JAKMIP2: variants seen among roughly 807,000 people sequenced by gnomAD.
The protein encoded by JAKMIP2 is janus kinase and microtubule-interacting protein 2.
JAKMIP2 carries 25 observed loss-of-function variants against 115.0 expected under a neutral mutation model. The ratio of observed to expected loss-of-function variants is 0.22; its 90% CI spans 0.16 to 0.30. The LOEUF (loss-of-function observed/expected upper bound fraction) is 0.30, where lower values mean the gene tolerates loss of function less well. JAKMIP2 is among the 10% of genes least tolerant of loss of function. JAKMIP2 has a pLI of 1.00. For synonymous variants in JAKMIP2, 334 were observed against 343.6 expected, an observed-to-expected ratio of 0.97 and a Z score of 0.31; for missense variants, 642 against 957.6, an observed-to-expected ratio of 0.67 and a Z score of 4.35.
intron 1 of JAKMIP2, among the ~76,000 whole-genome samples, chr5:147,743,324 C>T (rs1372910989): frequency 6.6e-6 from 1 of 152,112 alleles, no homozygotes; most frequent in Admixed American, 6.5e-5. Context: ...GGTTAACCTG[C>T]TAAAGATACA....
At chr5:147,640,855 A>G in intron 8 of JAKMIP2, 32 bp from the exon 9 acceptor site, 1 of 1,603,178 alleles carries the variant, frequency 6.2e-7, no homozygotes, top group Non-Finnish European at 8.5e-7. Context: ...ATTTACTGAC[A>G]TAGCTAACAG....
At chr5:147,622,019 C>T (rs1756875254) in intron 17 of JAKMIP2, among the ~76,000 whole-genome samples, 1 of 152,146 alleles carries the variant, frequency 6.6e-6, no homozygotes, top group Non-Finnish European at 1.5e-5. Flanking sequence ...AGGCATGTGC[C>T]ACCGCGCCCG....
chr5:147,776,371 T>C (rs906926692), intron 1 of JAKMIP2, among the ~76,000 whole-genome samples: 2 of 152,138 alleles, frequency 1.3e-5, no homozygotes, highest in Non-Finnish European at 2.9e-5. Context: ...GGCTTCCCCC[T>C]TCACTCAGCT....
intron 20 of JAKMIP2, among the ~76,000 whole-genome samples, chr5:147,605,428 C>G (rs1755955145): frequency 6.6e-6 from 1 of 152,056 alleles, no homozygotes; most frequent in Non-Finnish European, 1.5e-5. Flanking sequence ...CTAGGATGGT[C>G]TCGATCTCCT....
At chr5:147,752,063 A>G (rs879514168) in intron 1 of JAKMIP2, among the ~76,000 whole-genome samples, 5 of 152,188 alleles carry the variant, frequency 3.3e-5, no homozygotes, top group African/African-American at 4.8e-5. Context: ...AGAACATAAA[A>G]TAGAGGAATG....
chr5:147,746,672 C>T (rs980735661), intron 1 of JAKMIP2, among the ~76,000 whole-genome samples: 1 of 151,892 alleles, frequency 6.6e-6, no homozygotes, highest in African/African-American at 2.4e-5. Flanking sequence ...TTGTGTTTTC[C>T]TCTATTTTTA....
At chr5:147,719,165 A>T (rs1210200521) in intron 1 of JAKMIP2, among the ~76,000 whole-genome samples, 1 of 131,378 alleles carries the variant, frequency 7.6e-6, no homozygotes, top group Non-Finnish European at 1.6e-5. Flanking sequence ...GTTTTGAGTG[A>T]GATTCTTAAT....
In JAKMIP2 at chr5:147,693,021, G is replaced by A. The variant is rs114479858; in HGVS notation, c.-148-21067C>T. 5.4e-3 allele frequency among the ~76,000 whole-genome samples: 816 copies of A among 152,168 alleles called. 17 individuals carry two copies. Among genetic ancestry groups the A allele is most frequent in the African/African-American group, 0.019 (776 of 41,510 alleles). On this transcript the variant is annotated intron_variant, in intron 1 of 21. Transcript: ENST00000616793. ...TATGTGTGCCACCAATTTTGTATATGACCTAAAATTGTAAACAATTTTTAT... is the reference window on the plus strand; with the variant it reads ...TATGTGTGCCACCAATTTTGTATATAACCTAAAATTGTAAACAATTTTTAT...
chr5:147,688,506 A>ATC (rs1760678452), intron 1 of JAKMIP2, among the ~76,000 whole-genome samples: 2 of 152,232 alleles, frequency 1.3e-5, no homozygotes, highest in African/African-American at 4.8e-5. Flanking sequence ...GTTGCTTCAT[A>ATC]GAGTCTGATT....
chr5:147,661,508 G>T lies in JAKMIP2; in HGVS notation c.130-63C>A. The T allele has an allele frequency of 5.3e-6, 8 of 1,502,910 alleles. No individual in the cohort carries two copies. In the African/African-American group the frequency reaches 8.4e-5, roughly 16 times the overall value. The allele number at this position is 1,502,910 out of a possible 1,614,324, so 93.1% of individuals were successfully genotyped here. On this transcript the variant is annotated intron_variant, in intron 2 of 21. Transcript: ENST00000616793. ...CCTCAAAGGACGGGTGTGCTCCTAG[G>T]CAGGATTTGCAGCTCAGGCCGCTGT...
chr5:147,623,582 GT>G (rs1448366664), intron 17 of JAKMIP2, 38 bp downstream of exon 17: 1 of 1,379,024 alleles, frequency 7.3e-7, no homozygotes, highest in East Asian at 2.3e-5. Flanking sequence ...TGCCTTGTAA[GT>G]TTTTCTTAAT....
intron 2 of JAKMIP2, among the ~76,000 whole-genome samples, chr5:147,665,923 G>C (rs1759275490): frequency 6.6e-6 from 1 of 152,112 alleles, no homozygotes; most frequent in Non-Finnish European, 1.5e-5. Context: ...GAACTGAAGA[G>C]GAGATGAAGG....
rs1757840817 is a variant in JAKMIP2, at chr5:147,640,690, G to A, written c.1401+14C>T. 6.2e-7 allele frequency: 1 copy of A among 1,613,074 alleles called. No homozygotes were observed. ...GACAATATCACCCTAGGCTAGAGAAGTAGAAAAGCTTACTTCATCCAAGTC... is the reference window on the plus strand; with the variant it reads ...GACAATATCACCCTAGGCTAGAGAAATAGAAAAGCTTACTTCATCCAAGTC... On this transcript the variant is annotated intron_variant, in intron 9 of 21. Transcript: ENST00000616793.
chr5:147,692,860 A>G (rs1452188325), intron 1 of JAKMIP2, among the ~76,000 whole-genome samples: 1 of 152,200 alleles, frequency 6.6e-6, no homozygotes, highest in African/African-American at 2.4e-5. Flanking sequence ...GCAGTTCCTA[A>G]TATCAGGGAA....
intron 1 of JAKMIP2, among the ~76,000 whole-genome samples, chr5:147,705,838 G>A (rs1250339815): frequency 6.6e-6 from 1 of 152,180 alleles, no homozygotes; most frequent in East Asian, 1.9e-4. Flanking sequence ...TTATGTATAA[G>A]ATGAATAATG....
intron 1 of JAKMIP2, among the ~76,000 whole-genome samples, chr5:147,770,437 C>T (rs1755309657): frequency 1.3e-5 from 2 of 152,016 alleles, no homozygotes. Context: ...ACAAAATACC[C>T]GTTGGGTGTA....
chr5:147,683,369 G>A (rs148421685), intron 1 of JAKMIP2, among the ~76,000 whole-genome samples: 9 of 152,256 alleles, frequency 5.9e-5, no homozygotes, highest in African/African-American at 1.7e-4. Flanking sequence ...GCACCTGCCT[G>A]TAATCTCAGC....
At position 147,611,823 on chromosome 5, in the gene JAKMIP2, C is replaced by T. The variant is rs539299621; in HGVS notation, c.2412+483G>A. 3.9e-5 allele frequency among the ~76,000 whole-genome samples: 6 copies of T among 152,282 alleles called. No individual in the cohort carries two copies. The South Asian group carries it at 1.2e-3, about 32-fold the overall frequency. Reference sequence around the variant, plus strand: ...CTGGCTGACTTGGAAGAAGCAGCCACTCTTTGAGATCACTGGGGAAGTGAC... The same window carrying T: ...CTGGCTGACTTGGAAGAAGCAGCCATTCTTTGAGATCACTGGGGAAGTGAC... On this transcript the variant is annotated intron_variant, in intron 20 of 21. Coordinates refer to ENST00000616793, the MANE Select transcript of JAKMIP2 (RefSeq NM_001270941.2).
chr5:147,715,824 T>A (rs888945831), intron 1 of JAKMIP2, among the ~76,000 whole-genome samples: 1 of 148,160 alleles, frequency 6.7e-6, no homozygotes, highest in Admixed American at 6.8e-5. Context: ...TTTCTTTTTT[T>A]TTTTTTGGCC....
Sources: allele counts gnomAD v4.1 joint callset (sites outside exome capture counted in the v4.1 genomes callset), GRCh38; gene constraint gnomAD v4.1.1; transcripts MANE v1.5; gene names NCBI Gene and HGNC (gene_info 2026-07-23, HGNC 2026-07-21).